The following COL4A6 variants were observed in gnomAD, a reference collection of about 807,000 sequenced individuals.
The protein encoded by COL4A6 is collagen alpha-6(IV) chain.
Under a neutral mutation model 126.7 loss-of-function variants are expected in COL4A6, and 59 were observed. The observed-to-expected ratio is 0.47, with a 90% confidence interval of 0.38 to 0.58. COL4A6 has a LOEUF of 0.58. Among genes scored for constraint, COL4A6 ranks in the 20% least tolerant of loss-of-function variants. The pLI, the probability that COL4A6 is intolerant of heterozygous loss-of-function variation, is 0.00. For synonymous variants in COL4A6, 547 were observed against 496.6 expected (o/e 1.10, Z -1.35); for missense variants, 1,285 against 1,337.3 (o/e 0.96, Z 0.61).
At chrX:108,280,762 C>G (rs1380653837) in intron 3 of COL4A6, among the ~76,000 whole-genome samples, 1 of 111,140 alleles carries the variant, frequency 9.0e-6, no homozygotes, top group Non-Finnish European at 1.9e-5. Context: ...ACTGGCAAAC[C>G]GAATCCAGCA....
rs2037964558 is a variant in COL4A6, at chrX:108,284,857, G to A, written c.144+25891C>T. Among the ~76,000 whole-genome samples the A allele has an allele frequency of 1.8e-5, 2 of 112,031 alleles. 1 individual carries two copies. Among genetic ancestry groups the A allele is most frequent in the Admixed American group, 1.9e-4 (2 of 10,537 alleles). ...CATCAAGCTTCAAACGTGCCTCCAT[G>A]TCTAACAAAGGTTTACTTCTTACTT... is the stretch of plus-strand genomic sequence containing the variant. On this transcript the variant is annotated intron_variant, in intron 3 of 44. Coordinates refer to ENST00000334504, the MANE Select transcript of COL4A6 (RefSeq NM_033641.4).
At chrX:108,357,306 G>A (rs1182144080) in intron 2 of COL4A6, among the ~76,000 whole-genome samples, 1 of 111,278 alleles carries the variant, frequency 9.0e-6, no homozygotes. Flanking sequence ...ACCTGTTACT[G>A]ATAAGTCTAA....
chrX:108,351,116 G>T (rs922694958), intron 2 of COL4A6, among the ~76,000 whole-genome samples: 1 of 111,418 alleles, frequency 9.0e-6, no homozygotes, highest in African/African-American at 3.3e-5. Context: ...ACATCCTAGC[G>T]CCTGGACTTT....
At chrX:108,326,819 T>C (rs1603094918) in intron 2 of COL4A6, among the ~76,000 whole-genome samples, 1 of 112,207 alleles carries the variant, frequency 8.9e-6, no homozygotes, top group East Asian at 2.8e-4. Context: ...TAAATGTAAA[T>C]ATAAGCCTGA....
intron 3 of COL4A6, among the ~76,000 whole-genome samples, chrX:108,253,698 T>A (rs930651460): frequency 9.0e-6 from 1 of 111,585 alleles, no homozygotes; most frequent in Non-Finnish European, 1.9e-5. Context: ...AGGAACCAAG[T>A]AAGAATAAAG....
intron 2 of COL4A6, among the ~76,000 whole-genome samples, chrX:108,383,212 T>A (rs937046028): frequency 9.0e-6 from 1 of 110,850 alleles, no homozygotes; most frequent in Admixed American, 9.6e-5. Context: ...AATTTAAGTA[T>A]AAAGAGTCAC....
intron 2 of COL4A6, among the ~76,000 whole-genome samples, chrX:108,360,858 C>T (rs769260649): frequency 3.6e-5 from 4 of 110,849 alleles, no homozygotes; most frequent in Non-Finnish European, 5.7e-5. Context: ...TTTGAAGGAC[C>T]GGGGGTTTTC....
intron 3 of COL4A6, among the ~76,000 whole-genome samples, chrX:108,248,456 A>G (rs767107952): frequency 9.1e-6 from 1 of 109,911 alleles, no homozygotes; most frequent in South Asian, 4.1e-4. Context: ...CTTTGCACAG[A>G]CTGCCCTCTC....
At chrX:108,295,171 T>C (rs1603032414) in intron 3 of COL4A6, among the ~76,000 whole-genome samples, 2 of 112,256 alleles carry the variant, frequency 1.8e-5, no homozygotes, top group Admixed American at 1.9e-4. Context: ...GCAGTTTCTG[T>C]ATACATTTAG....
At chrX:108,212,526 A>T (rs1029358836) in intron 6 of COL4A6, among the ~76,000 whole-genome samples, 10 of 112,012 alleles carry the variant, frequency 8.9e-5, no homozygotes, top group African/African-American at 3.2e-4. Context: ...AGGGGAAGTC[A>T]GGATTAGTAT....
intron 20 of COL4A6, 115 bp from the exon 21 acceptor site, chrX:108,188,792 G>A: frequency 1.4e-6 from 1 of 729,890 alleles, no homozygotes; most frequent in Non-Finnish European, 1.9e-6. Context: ...CTGAAGGCTT[G>A]CAGAGAACAC....
At chrX:108,236,432 TGCACACCAAGATACAGCA>T (rs2036431952) in intron 3 of COL4A6, among the ~76,000 whole-genome samples, 1 of 111,474 alleles carries the variant, frequency 9.0e-6, no homozygotes, top group South Asian at 3.8e-4. Context: ...AGGGGGAAGG[TGCACACCAAGATACAGCA>T]AGGCTAGCTT....
chrX:108,412,471 T>G, intron 2 of COL4A6, among the ~76,000 whole-genome samples: 1 of 111,979 alleles, frequency 8.9e-6, no homozygotes, highest in South Asian at 3.8e-4. Context: ...CTGCCATGAA[T>G]TCATAAAGAA....
At chrX:108,312,827 G>A (rs772288767) in intron 2 of COL4A6, among the ~76,000 whole-genome samples, 3 of 111,369 alleles carry the variant, frequency 2.7e-5, no homozygotes, top group Non-Finnish European at 3.8e-5. Context: ...AACAATGTCT[G>A]TTTGAGTGTT....
chrX:108,425,623 A>T (rs2064066170), intron 2 of COL4A6, among the ~76,000 whole-genome samples: 1 of 108,476 alleles, frequency 9.2e-6, no homozygotes, highest in Admixed American at 1.0e-4. Flanking sequence ...AGTACCAGCT[A>T]CTCGGGAGGC....
At chrX:108,195,756 C>T (rs1406371035) in intron 14 of COL4A6, among the ~76,000 whole-genome samples, 1 of 111,559 alleles carries the variant, frequency 9.0e-6, no homozygotes, top group Admixed American at 9.5e-5. Context: ...GGGAGGGCCT[C>T]GTCTTCCACC....
chrX:108,322,975 G>A (rs1343715396), intron 2 of COL4A6, among the ~76,000 whole-genome samples: 1 of 112,033 alleles, frequency 8.9e-6, no homozygotes, highest in Non-Finnish European at 1.9e-5. Context: ...TAGCATCATG[G>A]CACACTTGTG....
At chrX:108,166,963 T>C (rs1189051460) in intron 37 of COL4A6, among the ~76,000 whole-genome samples, 1 of 111,917 alleles carries the variant, frequency 8.9e-6, no homozygotes, top group African/African-American at 3.3e-5. Context: ...ACATGTGTAA[T>C]AGAGTAGGCA....
chrX:108,314,523 G>T (rs1457405224), intron 2 of COL4A6, among the ~76,000 whole-genome samples: 1 of 111,937 alleles, frequency 8.9e-6, no homozygotes, highest in Non-Finnish European at 1.9e-5. Context: ...ATGTTCCTAA[G>T]GTTGCATAGC....
Sources: allele counts gnomAD v4.1 joint callset (sites outside exome capture counted in the v4.1 genomes callset), GRCh38; gene constraint gnomAD v4.1.1; transcripts MANE v1.5; gene names NCBI Gene and HGNC (gene_info 2026-07-23, HGNC 2026-07-21).